CAMK2D: variants seen among roughly 807,000 people sequenced by gnomAD.
CAMK2D encodes the protein calcium/calmodulin dependent protein kinase II delta, also known as calcium/calmodulin-dependent protein kinase type II subunit delta.
In CAMK2D, 37 loss-of-function variants were observed where a neutral mutation model predicts 84.0. That is an observed-to-expected ratio of 0.44 (90% CI 0.34 to 0.58). CAMK2D has a LOEUF of 0.58. Among genes scored for constraint, CAMK2D ranks in the 20% least tolerant of loss-of-function variants. CAMK2D has a pLI of 0.02. For synonymous variants in CAMK2D, 202 were observed against 212.5 expected, an observed-to-expected ratio of 0.95 and a Z score of 0.43; for missense variants, 448 against 652.5, an observed-to-expected ratio of 0.69 and a Z score of 3.41.
intron 4 of CAMK2D, among the ~76,000 whole-genome samples, chr4:113,595,446 G>A (rs894723260): frequency 7.9e-6 from 1 of 125,926 alleles, no homozygotes; most frequent in African/African-American, 2.9e-5. Flanking sequence ...ATGCTTGTGT[G>A]TGTGTGTGTG....
chr4:113,621,367 C>G (rs528156222), intron 3 of CAMK2D, among the ~76,000 whole-genome samples: 3 of 152,050 alleles, frequency 2.0e-5, no homozygotes, highest in Non-Finnish European at 4.4e-5. Context: ...AATAAAAACA[C>G]CCATATGACA....
chr4:113,754,615 T>C, intron 2 of CAMK2D: 3 of 981,474 alleles, frequency 3.1e-6, no homozygotes, highest in South Asian at 9.4e-5. Flanking sequence ...ACAACCACTT[T>C]CTTTATTTTC....
At chr4:113,510,643 T>C (rs918965448) in intron 12 of CAMK2D, among the ~76,000 whole-genome samples, 2 of 152,002 alleles carry the variant, frequency 1.3e-5, no homozygotes, top group East Asian at 1.9e-4. Context: ...CAGGACATGA[T>C]ACACACTTAT....
chr4:113,523,532 G>T (rs2098388657), intron 8 of CAMK2D, among the ~76,000 whole-genome samples: 1 of 152,116 alleles, frequency 6.6e-6, no homozygotes, highest in African/African-American at 2.4e-5. Context: ...CAGCACTTTG[G>T]GAGGCCGAAG....
chr4:113,509,680 A>C lies in CAMK2D; in HGVS notation c.947-5T>G. The C allele has an allele frequency of 6.2e-7, 1 of 1,605,156 alleles. No individual in the cohort carries two copies. On this transcript the variant is annotated splice_region_variant and splice_polypyrimidine_tract_variant and intron_variant, in intron 12 of 20. Transcript: ENST00000511664. ...TCTTCAACAAACTCTTGGCTGCTGT[A>C]AAATGAGAGTAAAATCAGTTTAGTG...
chr4:113,489,212 A>AT (rs1026790994), intron 16 of CAMK2D, among the ~76,000 whole-genome samples: 4 of 151,712 alleles, frequency 2.6e-5, no homozygotes, highest in African/African-American at 9.7e-5. Context: ...ATATGTATAC[A>AT]TGTGCCATGC....
chr4:113,659,008 T>C (rs977537570), intron 3 of CAMK2D, among the ~76,000 whole-genome samples: 2 of 152,224 alleles, frequency 1.3e-5, no homozygotes, highest in African/African-American at 4.8e-5. Flanking sequence ...GACAATGCTA[T>C]CTAGGACACA....
At chr4:113,591,208 CCTATTT>C (rs1302874118) in intron 4 of CAMK2D, among the ~76,000 whole-genome samples, 2 of 151,836 alleles carry the variant, frequency 1.3e-5, no homozygotes, top group Non-Finnish European at 2.9e-5. Flanking sequence ...GGAATAAGTA[CCTATTT>C]CTGAGTCTGC....
intron 2 of CAMK2D, among the ~76,000 whole-genome samples, chr4:113,715,541 T>C (rs952306786): frequency 6.6e-6 from 1 of 152,128 alleles, no homozygotes; most frequent in African/African-American, 2.4e-5. Context: ...CATTAATATA[T>C]AGTTAGGTTT....
At chr4:113,755,189 C>T (rs2099625784) in intron 2 of CAMK2D, 1 of 254,078 alleles carries the variant, frequency 3.9e-6, no homozygotes, top group Non-Finnish European at 6.1e-6. Flanking sequence ...CACACACACA[C>T]ACACACACAC....
At chr4:113,688,910 C>CAAAAAAAAAAAAAAAAAAAAAAAAA (rs34196728) in intron 2 of CAMK2D, among the ~76,000 whole-genome samples, 1 of 49,722 alleles carries the variant, frequency 2.0e-5, no homozygotes, top group Non-Finnish European at 3.7e-5. Context: ...AAAGAAGATG[C>CAAAAAAAAAAAAAAAAAAAAAAAAA]AAAAAAAAAA....
At chr4:113,468,780 T>A (rs538998614) in intron 16 of CAMK2D, among the ~76,000 whole-genome samples, 1 of 152,316 alleles carries the variant, frequency 6.6e-6, no homozygotes, top group East Asian at 1.9e-4. Context: ...GAGCTTGTGA[T>A]GTGTCCCTAA....
chr4:113,640,647 G>C (rs1179421374), intron 3 of CAMK2D, among the ~76,000 whole-genome samples: 1 of 152,210 alleles, frequency 6.6e-6, no homozygotes, highest in African/African-American at 2.4e-5. Context: ...TTAGTAATAA[G>C]GAGGTGGTGA....
At chr4:113,759,462 T>C in intron 1 of CAMK2D, 48 bp from the exon 2 acceptor site, 1 of 1,115,052 alleles carries the variant, frequency 9.0e-7, no homozygotes, top group Non-Finnish European at 1.3e-6. Flanking sequence ...ATATAATATT[T>C]CATTAAAAAT....
chr4:113,671,744 T>A (rs1412453154), intron 2 of CAMK2D, among the ~76,000 whole-genome samples: 1 of 152,126 alleles, frequency 6.6e-6, no homozygotes, highest in African/African-American at 2.4e-5. Flanking sequence ...CAGTCTGCCA[T>A]GAGATAACGA....
chr4:113,477,815 A>G lies in CAMK2D; in HGVS notation c.1136-12211T>C, dbSNP rs150712537. On this transcript the variant is annotated intron_variant, in intron 16 of 20. Coordinates refer to ENST00000511664, the MANE Select transcript of CAMK2D (RefSeq NM_001321571.2). ...AGTAAAGGTGTTCTTAGTTTAACCA[A>G]TGCAACTGCAGTAAAAATTAAATTT... 1.9e-3 allele frequency among the ~76,000 whole-genome samples: 287 copies of G among 152,202 alleles called. 1 individual carries two copies. Among genetic ancestry groups the G allele is most frequent in the African/African-American group, 6.5e-3 (270 of 41,540 alleles).
chr4:113,629,502 A>C (rs1379586315), intron 3 of CAMK2D, among the ~76,000 whole-genome samples: 1 of 152,142 alleles, frequency 6.6e-6, no homozygotes, highest in Non-Finnish European at 1.5e-5. Flanking sequence ...ATATACATAC[A>C]TAACTAAAAC....
chr4:113,552,025 A>G lies in CAMK2D; in HGVS notation c.341+6T>C. On this transcript the variant is annotated splice_donor_region_variant and intron_variant, in intron 5 of 20. Coordinates refer to ENST00000511664, the MANE Select transcript of CAMK2D (RefSeq NM_001321571.2). ...TCTTGTATCTTGCCCAGGGCAAGTC[A>G]CTTACCTGGCATCAGCTTCACTGTA... The G allele has an allele frequency of 6.6e-7, 1 of 1,504,334 alleles. No homozygotes were observed. 93.2% of individuals were successfully genotyped at this position (1,504,334 alleles called of 1,614,324 possible). A position where few individuals can be genotyped will look rare whatever the true frequency, so the allele number is the denominator to read the frequency against.
intron 13 of CAMK2D, among the ~76,000 whole-genome samples, chr4:113,507,425 T>TTTTG (rs968454843): frequency 7.8e-6 from 1 of 127,562 alleles, no homozygotes; most frequent in Non-Finnish European, 1.8e-5. Context: ...AATTTCTGTT[T>TTTTG]TTTGTTTGTT....
Sources: allele counts gnomAD v4.1 joint callset (sites outside exome capture counted in the v4.1 genomes callset), GRCh38; gene constraint gnomAD v4.1.1; transcripts MANE v1.5; gene names NCBI Gene and HGNC (gene_info 2026-07-23, HGNC 2026-07-21).